Variants in SSBP3 observed in about 807,000 individuals in gnomAD.
SSBP3 encodes the protein single-stranded DNA-binding protein 3.
Under a neutral mutation model 69.6 loss-of-function variants are expected in SSBP3, and 5 were observed. The ratio of observed to expected loss-of-function variants is 0.07; its 90% CI spans 0.04 to 0.15. The LOEUF (loss-of-function observed/expected upper bound fraction) is 0.15, where lower values mean the gene tolerates loss of function less well. Among genes scored for constraint, SSBP3 ranks in the 10% least tolerant of loss-of-function variants. SSBP3 has a pLI of 1.00. For synonymous variants in SSBP3, 196 were observed against 193.4 expected, an observed-to-expected ratio of 1.01 and a Z score of -0.11; for missense variants, 312 against 534.0, an observed-to-expected ratio of 0.58 and a Z score of 4.10.
In SSBP3 at chr1:54,250,959, T is replaced by C. The variant is rs531375129; in HGVS notation, c.651+657A>G. ...ACCGTAAGAGGTATGTGAGGGCACC[T>C]GAAATGCTTTCTTCCAATGGCTTAT... On this transcript the variant is annotated intron_variant, in intron 9 of 17. Transcript: ENST00000610401. Among the ~76,000 whole-genome samples, 31 of 152,356 alleles carry C rather than the reference T, an allele frequency of 2.0e-4. No individual in the cohort carries two copies. In the South Asian group the frequency reaches 6.2e-3, roughly 31 times the overall value.
intron 4 of SSBP3, among the ~76,000 whole-genome samples, chr1:54,338,958 A>T (rs1031953503): frequency 3.3e-5 from 5 of 152,232 alleles, no homozygotes; most frequent in Non-Finnish European, 4.4e-5. Flanking sequence ...ACGAGGTCCA[A>T]GTTAAAGCTA....
At chr1:54,328,825 G>A (rs532118090) in intron 4 of SSBP3, among the ~76,000 whole-genome samples, 2 of 152,274 alleles carry the variant, frequency 1.3e-5, no homozygotes, top group South Asian at 4.2e-4. Flanking sequence ...CCCCAACCTT[G>A]GAAATGAAGC....
intron 4 of SSBP3, among the ~76,000 whole-genome samples, chr1:54,396,855 T>TG: frequency 6.6e-6 from 1 of 152,320 alleles, no homozygotes; most frequent in African/African-American, 2.4e-5. Context: ...ATTTGCAATT[T>TG]GGGGTCTTGC....
chr1:54,272,074 TG>T, intron 5 of SSBP3, among the ~76,000 whole-genome samples: 1 of 152,244 alleles, frequency 6.6e-6, no homozygotes, highest in Middle Eastern at 3.4e-3. Flanking sequence ...TAGCCTGAGA[TG>T]GGGCTTTTCT....
intron 5 of SSBP3, among the ~76,000 whole-genome samples, chr1:54,271,463 G>A (rs930007883): frequency 2.6e-5 from 4 of 152,162 alleles, no homozygotes; most frequent in South Asian, 2.1e-4. Flanking sequence ...AAAAGGACAC[G>A]GTAGGATTTG....
chr1:54,391,171 T>C (rs1020038116), intron 4 of SSBP3, among the ~76,000 whole-genome samples: 1 of 152,204 alleles, frequency 6.6e-6, no homozygotes, highest in Non-Finnish European at 1.5e-5. Context: ...CTCCTTCTTC[T>C]TGCACATCTG....
intron 4 of SSBP3, among the ~76,000 whole-genome samples, chr1:54,390,595 C>T (rs916660172): frequency 1.3e-5 from 2 of 152,242 alleles, no homozygotes; most frequent in Non-Finnish European, 2.9e-5. Flanking sequence ...TTTAAAGTGG[C>T]AGCCATCACA....
intron 4 of SSBP3, among the ~76,000 whole-genome samples, chr1:54,346,383 AG>A (rs1646691407): frequency 6.6e-6 from 1 of 151,960 alleles, no homozygotes; most frequent in African/African-American, 2.4e-5. Context: ...TAAGATCTTT[AG>A]GTCCCCTTGT....
At chr1:54,242,089 C>G (rs1285694523) in intron 11 of SSBP3, 75 bp downstream of exon 11, 1 of 1,549,304 alleles carries the variant, frequency 6.5e-7, no homozygotes, top group Admixed American at 1.7e-5. Flanking sequence ...GACACCTACA[C>G]CCAGGGACAG....
At chr1:54,339,613 TAAGA>T (rs987979834) in intron 4 of SSBP3, among the ~76,000 whole-genome samples, 4 of 151,118 alleles carry the variant, frequency 2.6e-5, no homozygotes, top group Admixed American at 2.0e-4. Context: ...TCTAGTGCCT[TAAGA>T]AAGGGGAAAG....
intron 4 of SSBP3, among the ~76,000 whole-genome samples, chr1:54,290,763 G>A (rs1466386373): frequency 2.0e-5 from 3 of 152,224 alleles, no homozygotes; most frequent in Non-Finnish European, 4.4e-5. Context: ...GGCACAGGAC[G>A]CAGGTCCCAG....
At chr1:54,255,461 A>G (rs974081689) in intron 7 of SSBP3, 3 of 152,178 alleles carry the variant, frequency 2.0e-5, no homozygotes, top group African/African-American at 7.2e-5. Flanking sequence ...GATGGGTTAA[A>G]AACACAGATG....
intron 4 of SSBP3, among the ~76,000 whole-genome samples, chr1:54,401,660 T>C (rs1002795243): frequency 1.3e-5 from 2 of 152,194 alleles, no homozygotes; most frequent in African/African-American, 2.4e-5. Context: ...TACAACATTA[T>C]GAAACACCGT....
intron 5 of SSBP3, among the ~76,000 whole-genome samples, chr1:54,259,166 C>A (rs1344376366): frequency 1.2e-4 from 19 of 152,056 alleles, no homozygotes. Flanking sequence ...CTCGACCCCC[C>A]TACCCCGCCC....
At chr1:54,304,196 G>A (rs1019948002) in intron 4 of SSBP3, among the ~76,000 whole-genome samples, 1 of 152,172 alleles carries the variant, frequency 6.6e-6, no homozygotes, top group African/African-American at 2.4e-5. Context: ...GGAACCAAAC[G>A]ACACAGGATG....
chr1:54,351,682 C>A (rs978535291), intron 4 of SSBP3, among the ~76,000 whole-genome samples: 11 of 152,214 alleles, frequency 7.2e-5, no homozygotes, highest in African/African-American at 2.7e-4. Flanking sequence ...AGACAGGGTT[C>A]CTCAACAGGC....
At chr1:54,305,674 G>C (rs1043030436) in intron 4 of SSBP3, among the ~76,000 whole-genome samples, 1 of 151,234 alleles carries the variant, frequency 6.6e-6, no homozygotes, top group African/African-American at 2.4e-5. Flanking sequence ...TGTTGCCCAG[G>C]CTGGTACTTC....
chr1:54,411,261 T>C (rs1649982037), upstream of SSBP3, among the ~76,000 whole-genome samples: 1 of 151,572 alleles, frequency 6.6e-6, no homozygotes, highest in Non-Finnish European at 1.5e-5. Context: ...AGGCAGATCA[T>C]GAGGTCAAGA....
At chr1:54,265,029 G>A (rs74071613) in intron 5 of SSBP3, among the ~76,000 whole-genome samples, 8,049 of 152,206 alleles carry the variant, frequency 0.053, 606 homozygotes, top group African/African-American at 0.17. Context: ...GCACTTGATA[G>A]ACAATCCAAT....
Sources: gnomAD v4.1 joint callset for allele counts (sites outside exome capture counted in the v4.1 genomes callset) on GRCh38, gnomAD v4.1.1 for gene constraint, MANE v1.5 for transcripts, NCBI Gene and HGNC (gene_info 2026-07-23, HGNC 2026-07-21) for gene names.